The following CARD14 variants were observed in gnomAD, a reference collection of about 807,000 sequenced individuals.
CARD14 encodes caspase recruitment domain family member 14.
Under a neutral mutation model 111.5 loss-of-function variants are expected in CARD14, and 107 were observed. The ratio of observed to expected loss-of-function variants is 0.96; its 90% confidence interval spans 0.82 to 1.13. The LOEUF (loss-of-function observed/expected upper bound fraction) is 1.13, where lower values mean the gene tolerates loss of function less well. CARD14 is among the 50% of genes most tolerant of loss of function. The pLI, the probability that CARD14 is intolerant of heterozygous loss-of-function variation, is 0.00. For synonymous variants in CARD14, 617 were observed against 579.6 expected (o/e 1.06, Z -0.93); for missense variants, 1,322 against 1,362.3 (o/e 0.97, Z 0.47).
In CARD14 at chr17:80,195,600, G is replaced by A. The variant is rs61751631; in HGVS notation, c.1542G>A (p.Pro514=). Residue 514 remains proline (P), a synonymous_variant, in exon 14 of 24, where the codon CCG becomes CCA. Coordinates refer to ENST00000648509, the MANE Select transcript of CARD14 (RefSeq NM_001366385.1). This position sits in a 1 kb window ranked among gnomAD's most constrained non-coding sequence, Gnocchi z 4.7. The part of the protein sequence containing the change: ...EIPEGDPGAL[P]GAKAGDPHLD... ...CGGAGGGAGACCCGGGAGCCCTGCC[G>A]GGAGCTAAGGCAGGCGACCCACACC... 4.7e-5 allele frequency: 76 copies of A among 1,613,212 alleles called. No individual in the cohort carries two copies. Among genetic ancestry groups the A allele is most frequent in the East Asian group, 1.3e-4 (6 of 44,880 alleles).
intron 22 of CARD14, 46 bp downstream of exon 22, chr17:80,205,698 T>C (rs1364274844): frequency 1.3e-6 from 2 of 1,498,056 alleles, no homozygotes; most frequent in Non-Finnish European, 1.8e-6. Context: ...CTGGGAAGGG[T>C]TTCAGGAATG....
rs143677083 is a variant in CARD14 at position 80,198,498 on chromosome 17, C to T, written c.1758C>T (p.Ile586=). 6.4e-5 allele frequency: 103 copies of T among 1,613,284 alleles called. No homozygotes were observed. The highest frequency in any genetic ancestry group is 1.6e-4 in the Middle Eastern group (1 of 6,062). ...CATTGCTGGAGCAGATCAGCGTCATCGGCGGGAACCTCACGGGCATCTTCA... is the reference window on the plus strand; with the variant it reads ...CATTGCTGGAGCAGATCAGCGTCATTGGCGGGAACCTCACGGGCATCTTCA... ...GDALLEQISV[I]GGNLTGIFIH... The change falls in exon 16 of 24, where the codon ATC becomes ATT. Residue 586 remains isoleucine, a synonymous_variant. Coordinates refer to ENST00000648509, the MANE Select transcript of CARD14 (RefSeq NM_001366385.1). This position sits in a 1 kb window ranked among gnomAD's most constrained non-coding sequence, Gnocchi z 7.5.
Position 80,191,412 on chromosome 17 carries a change from G to A in CARD14, c.1179G>A (p.Thr393=), listed in dbSNP as rs539249557. 5.4e-5 allele frequency: 87 copies of A among 1,613,842 alleles called. No homozygotes were observed. Among genetic ancestry groups the A allele is most frequent in the Non-Finnish European group, 6.9e-5 (81 of 1,180,030 alleles). ...TCCGCAGGCAGGTGTTCGAGCTGACGGACCAGGTCTGCGAGCTGCGCACAC... is the reference window on the plus strand; with the variant it reads ...TCCGCAGGCAGGTGTTCGAGCTGACAGACCAGGTCTGCGAGCTGCGCACAC... The part of the protein sequence containing the change: ...DSLRRQVFEL[T]DQVCELRTQL... Residue 393 remains threonine, a synonymous_variant, in exon 11 of 24, where the codon ACG becomes ACA. Transcript: ENST00000648509.
intron 1 of CARD14, among the ~76,000 whole-genome samples, chr17:80,170,765 C>CTCCCCTCACCTCCCG (rs2039875809): frequency 1.2e-5 from 1 of 85,324 alleles, no homozygotes; most frequent in Non-Finnish European, 2.6e-5. Flanking sequence ...TCTCTGGGCC[C>CTCCCCTCACCTCCCG]TCCCCTCCCC....
At chr17:80,192,808 A>G (rs2040571230) in intron 12 of CARD14, among the ~76,000 whole-genome samples, 189 bp downstream of exon 12, 1 of 152,140 alleles carries the variant, frequency 6.6e-6, no homozygotes, top group Non-Finnish European at 1.5e-5. Context: ...GCTGGAGTGC[A>G]GTGATGTGAT....
rs372014836 is a variant in CARD14, at chr17:80,198,796, G to A, written c.1851+205G>A. ...GTGCAGAACCCAGCATGTCACCCGTGGTGCTGCTGCCATGCGGCGCTTCTG... is the reference window on the plus strand; with the variant it reads ...GTGCAGAACCCAGCATGTCACCCGTAGTGCTGCTGCCATGCGGCGCTTCTG... On this transcript the variant is annotated intron_variant, in intron 16 of 23. Transcript: ENST00000648509. The surrounding 1 kb of genome is among the most constrained non-coding windows in gnomAD (Gnocchi z 7.5). 2.2e-5 allele frequency: 32 copies of A among 1,488,100 alleles called. No individual in the cohort carries two copies. Among genetic ancestry groups the A allele is most frequent in the Non-Finnish European group, 2.7e-5 (30 of 1,124,918 alleles). The allele number at this position is 1,488,100 out of a possible 1,614,324, so 92.2% of individuals were successfully genotyped here.
intron 7 of CARD14, 27 bp downstream of exon 7, chr17:80,184,265 C>T (rs746523896): frequency 5.0e-5 from 73 of 1,469,242 alleles, no homozygotes; most frequent in South Asian, 1.1e-4. Flanking sequence ...CACCCCGGCG[C>T]GACCCTGCTG....
At position 80,182,910 on chromosome 17, in the gene CARD14, T is replaced by G; in HGVS notation, c.349+120T>G. 17 of 1,176,174 alleles carry G rather than the reference T, an allele frequency of 1.4e-5. No homozygotes were observed. Among genetic ancestry groups the G allele is most frequent in the Non-Finnish European group, 1.8e-5 (15 of 818,440 alleles). The allele number at this position is 1,176,174 out of a possible 1,614,324, so 72.9% of individuals were successfully genotyped here. On this transcript the variant is annotated intron_variant, in intron 6 of 23. Coordinates refer to ENST00000648509, the MANE Select transcript of CARD14 (RefSeq NM_001366385.1). The surrounding 1 kb of genome is among the most constrained non-coding windows in gnomAD (Gnocchi z 4.7). Reference sequence around the variant, plus strand: ...ACTCCCCCTTCCCTCCAGGCTGCAGTTCCTGTCCCAGCCCCAGCACTCTGA... The same window carrying G: ...ACTCCCCCTTCCCTCCAGGCTGCAGGTCCTGTCCCAGCCCCAGCACTCTGA...
intron 7 of CARD14, among the ~76,000 whole-genome samples, chr17:80,187,295 G>A (rs2040375555): frequency 6.6e-6 from 1 of 152,224 alleles, no homozygotes; most frequent in Non-Finnish European, 1.5e-5. Flanking sequence ...GGACTTGTTT[G>A]TAATTCACCT....
chr17:80,178,608 C>G lies in CARD14; in HGVS notation c.-266C>G, dbSNP rs2040080618. 1 of 152,312 alleles carries G rather than the reference C, an allele frequency of 6.6e-6. No homozygotes were observed. Among genetic ancestry groups the G allele is most frequent in the East Asian group, 1.9e-4 (1 of 5,196 alleles). The allele number at this position is 152,312 out of a possible 1,614,324, so 9.4% of individuals were successfully genotyped here. ...TGGAGACACTGCGGGGACTGTGGACCCCACCCTGCTGCACGGAGCTCCTGC... is the reference window on the plus strand; with the variant it reads ...TGGAGACACTGCGGGGACTGTGGACGCCACCCTGCTGCACGGAGCTCCTGC... On this transcript the variant is annotated 5_prime_UTR_variant, in exon 3 of 24. Transcript: ENST00000648509.
chr17:80,207,122 G>T (rs1296266185), intron 23 of CARD14, 37 bp downstream of exon 23: 2 of 1,502,968 alleles, frequency 1.3e-6, no homozygotes, highest in African/African-American at 1.4e-5. Context: ...GGGCTTCGAA[G>T]CGGCTCCTGG....
At position 80,170,707 on chromosome 17, in the gene CARD14, C is replaced by T. The variant is rs571849648; in HGVS notation, c.-690+651C>T. On this transcript the variant is annotated intron_variant, in intron 1 of 23. Coordinates refer to ENST00000648509, the MANE Select transcript of CARD14 (RefSeq NM_001366385.1). Reference sequence around the variant, plus strand: ...ATGCTCAGGATTTTATGATCTTAGGCTCTTCTAGAATTGCTGTACAGTTAG... The same window carrying T: ...ATGCTCAGGATTTTATGATCTTAGGTTCTTCTAGAATTGCTGTACAGTTAG... Among the ~76,000 whole-genome samples, 323 of 151,844 alleles carry T rather than the reference C, an allele frequency of 2.1e-3. 1 individual carries two copies. The highest frequency in any genetic ancestry group is 7.4e-3 in the African/African-American group (307 of 41,384).
intron 2 of CARD14, among the ~76,000 whole-genome samples, chr17:80,176,242 C>A (rs1231833741): frequency 6.6e-6 from 1 of 150,418 alleles, no homozygotes; most frequent in African/African-American, 2.4e-5. Context: ...CCAGCCCAGG[C>A]AACATAGTGA....
chr17:80,195,198 T>C lies in CARD14; in HGVS notation c.1364T>C (p.Leu455Pro), dbSNP rs1227543223. The stretch of plus-strand genomic sequence containing the variant: ...CTGCCCTCCCTCCTCCAGTCTCAGC[T>C]CTTGTCGGACCTGAGTGCCACGTCC... Reference protein sequence around the residue: ...CSLVSSTESQLLSDLSATSSR... With the variant: ...CSLVSSTESQPLSDLSATSSR... Residue 455 changes from leucine (L) to proline (P), a missense_variant, in exon 13 of 24, where the codon CTC becomes CCC. Physicochemically the swap from Leu to Pro is moderately conservative, Grantham distance 98. Transcript: ENST00000648509. This position sits in a 1 kb window ranked among gnomAD's most constrained non-coding sequence, Gnocchi z 4.7. The C allele has an allele frequency of 6.2e-7, 1 of 1,605,636 alleles. No homozygotes were observed. Among genetic ancestry groups the C allele is most frequent in the East Asian group, 2.2e-5 (1 of 44,710 alleles).
At chr17:80,171,925 G>A (rs934673907) in intron 1 of CARD14, among the ~76,000 whole-genome samples, 2 of 152,162 alleles carry the variant, frequency 1.3e-5, no homozygotes, top group African/African-American at 2.4e-5. Flanking sequence ...AGACCCGGTC[G>A]TTGCCACCTG....
In CARD14 at chr17:80,203,613, G is replaced by A. The variant is rs569698744; in HGVS notation, c.2220-209G>A. Reference sequence around the variant, plus strand: ...AAATCAGCATCTCCAGGGGTGGGCCGAGGCCCTGGAGTCTTTTGAAAGCTC... The same window carrying A: ...AAATCAGCATCTCCAGGGGTGGGCCAAGGCCCTGGAGTCTTTTGAAAGCTC... On this transcript the variant is annotated intron_variant, in intron 18 of 23. Coordinates refer to ENST00000648509, the MANE Select transcript of CARD14 (RefSeq NM_001366385.1). This position sits in a 1 kb window ranked among gnomAD's most constrained non-coding sequence, Gnocchi z 4.6. 10 of 501,554 alleles carry A rather than the reference G, an allele frequency of 2.0e-5. No individual in the cohort carries two copies. The highest frequency in any genetic ancestry group is 9.9e-5 in the East Asian group (3 of 30,270). The allele number at this position is 501,554 out of a possible 1,614,324, so 31.1% of individuals were successfully genotyped here. A position where few individuals can be genotyped will look rare whatever the true frequency, so the allele number is the denominator to read the frequency against.
chr17:80,184,046 C>T lies in CARD14; in HGVS notation c.483C>T (p.Gly161=). The part of the protein sequence containing the change: ...RRCQQLQEHL[G]LAETRAEGLH... ...GCCAGCAGCTGCAGGAGCACCTGGG[C>T]CTGGCCGAGACCCGTGCCGAGGGCC... is the stretch of plus-strand genomic sequence containing the variant. Residue 161 remains glycine (G), a synonymous_variant, in exon 7 of 24, where the codon GGC becomes GGT. Transcript: ENST00000648509. 1 of 1,587,906 alleles carries T rather than the reference C, an allele frequency of 6.3e-7. No homozygotes were observed. Among genetic ancestry groups the T allele is most frequent in the Non-Finnish European group, 8.6e-7 (1 of 1,167,610 alleles).
At position 80,208,274 on chromosome 17, in the gene CARD14, C is replaced by T. The variant is rs780350425; in HGVS notation, c.2944C>T (p.Leu982Phe). The T allele has an allele frequency of 3.1e-6, 5 of 1,597,522 alleles. No individual in the cohort carries two copies. The highest frequency in any genetic ancestry group is 1.8e-5 in the Admixed American group (1 of 56,992). Residue 982 changes from leucine (L) to phenylalanine (F), a missense_variant, in exon 24 of 24, where the codon CTC becomes TTC. Transcript: ENST00000648509. ...PDGWSDLDGL[L>F]SCVRQAIADE... Reference sequence around the variant, plus strand: ...CGGCTGGAGCGACCTGGACGGCCTGCTCAGCTGTGTCCGCCAGGCCATCGC... The same window carrying T: ...CGGCTGGAGCGACCTGGACGGCCTGTTCAGCTGTGTCCGCCAGGCCATCGC...
intron 2 of CARD14, among the ~76,000 whole-genome samples, 155 bp downstream of exon 2, chr17:80,173,383 T>C (rs1400749875): frequency 6.6e-6 from 1 of 151,632 alleles, no homozygotes; most frequent in African/African-American, 2.4e-5. Flanking sequence ...GATGAATGGA[T>C]GGATGGGCAC....
Sources: allele counts gnomAD v4.1 joint callset (sites outside exome capture counted in the v4.1 genomes callset), GRCh38; gene constraint gnomAD v4.1.1; non-coding constraint Gnocchi (gnomAD v3.1); transcripts MANE v1.5; gene names NCBI Gene and HGNC (gene_info 2026-07-23, HGNC 2026-07-21).